Variants in NELL1 observed in about 807,000 individuals in gnomAD.
NELL1 encodes neural EGFL like 1, also known as protein kinase C-binding protein NELL1.
A neutral mutation model predicts 107.4 loss-of-function variants in NELL1; 76 were observed. That is an observed-to-expected ratio of 0.71 (90% CI 0.59 to 0.86). The LOEUF (loss-of-function observed/expected upper bound fraction) is 0.86, where lower values mean the gene tolerates loss of function less well. Among genes scored for constraint, NELL1 ranks in the 40% least tolerant of loss-of-function variants. NELL1 has a pLI of 0.00. For synonymous variants in NELL1, 353 were observed against 341.2 expected, an observed-to-expected ratio of 1.03 and a Z score of -0.38; for missense variants, 1,024 against 1,005.5, an observed-to-expected ratio of 1.02 and a Z score of -0.25.
intron 2 of NELL1, among the ~76,000 whole-genome samples, chr11:20,744,192 C>G (rs74687506): frequency 0.045 from 6,912 of 152,262 alleles, 518 homozygotes; most frequent in African/African-American, 0.16. Flanking sequence ...ACGCTCCACT[C>G]TAGTCCATCC....
intron 14 of NELL1, among the ~76,000 whole-genome samples, chr11:21,301,956 T>G (rs2133624958): frequency 6.6e-6 from 1 of 152,178 alleles, no homozygotes; most frequent in East Asian, 1.9e-4. Flanking sequence ...TACTAATATG[T>G]TCTGCAATAG....
At chr11:20,819,159 A>T (rs775104570) in intron 3 of NELL1, among the ~76,000 whole-genome samples, 1 of 152,146 alleles carries the variant, frequency 6.6e-6, no homozygotes, top group Non-Finnish European at 1.5e-5. Context: ...TGGTATTTTT[A>T]ATGCCATTTA....
chr11:21,523,733 C>T (rs1323760514), intron 15 of NELL1, among the ~76,000 whole-genome samples: 4 of 152,022 alleles, frequency 2.6e-5, no homozygotes, highest in Non-Finnish European at 5.9e-5. Context: ...TAACTAGGCT[C>T]CTCATGGGTT....
intron 2 of NELL1, among the ~76,000 whole-genome samples, chr11:20,678,506 A>ACTATAAG: frequency 6.6e-6 from 1 of 152,338 alleles, no homozygotes. Context: ...AGTTCTGCCC[A>ACTATAAG]CTATAAGCGG....
intron 16 of NELL1, among the ~76,000 whole-genome samples, chr11:21,547,277 T>C (rs895700516): frequency 9.2e-5 from 14 of 152,012 alleles, no homozygotes; most frequent in African/African-American, 3.4e-4. Context: ...TTCCAGGACG[T>C]GACAGCAGCC....
rs543952787 is a variant in NELL1 at position 21,078,652 on chromosome 11, A to C, written c.1301-34937A>C. On this transcript the variant is annotated intron_variant, in intron 12 of 19. Coordinates refer to ENST00000357134, the MANE Select transcript of NELL1 (RefSeq NM_006157.5). ...TTCTCACATACCAACATACACACAG[A>C]GATACACACATATATACATGCATAC... Among the ~76,000 whole-genome samples, 142 of 152,260 alleles carry C rather than the reference A, an allele frequency of 9.3e-4. 1 individual carries two copies. The highest frequency in any genetic ancestry group is 3.3e-3 in the African/African-American group (137 of 41,586).
At chr11:21,266,368 C>T (rs2133929089) in intron 14 of NELL1, among the ~76,000 whole-genome samples, 1 of 152,098 alleles carries the variant, frequency 6.6e-6, no homozygotes, top group Non-Finnish European at 1.5e-5. Flanking sequence ...TGAATATAAG[C>T]TCCAAAAGAT....
intron 3 of NELL1, 124 bp downstream of exon 3, chr11:20,783,954 A>G: frequency 1.2e-6 from 1 of 863,804 alleles, no homozygotes; most frequent in Non-Finnish European, 1.6e-6. Context: ...ATTTCTGTTG[A>G]ACACATTCAT....
At chr11:21,114,016 T>C (rs566261763) in intron 13 of NELL1, among the ~76,000 whole-genome samples, 2 of 152,122 alleles carry the variant, frequency 1.3e-5, no homozygotes, top group Admixed American at 6.6e-5. Flanking sequence ...GTTCTAAAAA[T>C]AGAAAGTATC....
At chr11:20,797,574 A>C (rs1857197623) in intron 3 of NELL1, among the ~76,000 whole-genome samples, 3 of 151,054 alleles carry the variant, frequency 2.0e-5, no homozygotes, top group Non-Finnish European at 4.4e-5. Flanking sequence ...TCAAAAAAAA[A>C]AAAAAAAAAA....
intron 13 of NELL1, among the ~76,000 whole-genome samples, chr11:21,132,444 G>A (rs1855642767): frequency 6.6e-6 from 1 of 152,160 alleles, no homozygotes; most frequent in African/African-American, 2.4e-5. Flanking sequence ...TCAAGGGTGA[G>A]CCAGGTACAG....
intron 15 of NELL1, among the ~76,000 whole-genome samples, chr11:21,494,025 A>G (rs1202082007): frequency 6.6e-6 from 1 of 151,950 alleles, no homozygotes; most frequent in Non-Finnish European, 1.5e-5. Flanking sequence ...ATTTTTCATA[A>G]CCAGTGTTTC....
intron 1 of NELL1, among the ~76,000 whole-genome samples, chr11:20,673,781 T>C (rs1222366759): frequency 6.6e-6 from 1 of 152,194 alleles, no homozygotes; most frequent in Non-Finnish European, 1.5e-5. Flanking sequence ...TAGAGAACTT[T>C]AATTGAGTTT....
At chr11:21,542,394 G>A (rs942752208) in intron 16 of NELL1, among the ~76,000 whole-genome samples, 2 of 151,980 alleles carry the variant, frequency 1.3e-5, no homozygotes, top group Non-Finnish European at 2.9e-5. Flanking sequence ...CAGAGCAGTT[G>A]GAGATTGAAA....
chr11:20,905,077 C>T (rs1050965604), intron 5 of NELL1, among the ~76,000 whole-genome samples: 1 of 151,484 alleles, frequency 6.6e-6, no homozygotes, highest in Non-Finnish European at 1.5e-5. Flanking sequence ...TGGCCTCCAG[C>T]AATCCTCTTT....
In NELL1 at chr11:20,947,391, A is replaced by G. The variant is rs752828947; in HGVS notation, c.1127A>G (p.Lys376Arg). ...TGTCCTCCTTTGAACTGCTCAGAAA[A>G]GGATCACATTCTTCCTGAGAATCAG... ...EMCPPLNCSE[K>R]DHILPENQCC... Residue 376 changes from lysine to arginine, a missense_variant, in exon 11 of 20, where the codon AAG (lysine) becomes AGG (arginine). By Grantham distance (26) the Lys-to-Arg change is conservative (BLOSUM62 2). Coordinates refer to ENST00000357134, the MANE Select transcript of NELL1 (RefSeq NM_006157.5). 2.5e-6 allele frequency: 4 copies of G among 1,614,048 alleles called. No individual in the cohort carries two copies. Among genetic ancestry groups the G allele is most frequent in the Non-Finnish European group, 3.4e-6 (4 of 1,179,962 alleles).
chr11:20,955,277 A>G (rs900754310), intron 11 of NELL1, among the ~76,000 whole-genome samples: 3 of 152,210 alleles, frequency 2.0e-5, no homozygotes, highest in Non-Finnish European at 2.9e-5. Context: ...GACTGAGGCA[A>G]TCACCAGTTA....
chr11:20,699,190 C>T (rs1854704535), intron 2 of NELL1, among the ~76,000 whole-genome samples: 1 of 151,816 alleles, frequency 6.6e-6, no homozygotes, highest in Admixed American at 6.6e-5. Context: ...GTACTCCAGC[C>T]TGGGCAACAG....
intron 4 of NELL1, among the ~76,000 whole-genome samples, chr11:20,884,607 C>A (rs1028024580): frequency 3.3e-5 from 5 of 152,096 alleles, no homozygotes; most frequent in Admixed American, 1.3e-4. Context: ...ACCAACTAAC[C>A]GGACCTTGGT....
Sources: allele counts gnomAD v4.1 joint callset (sites outside exome capture counted in the v4.1 genomes callset), GRCh38; gene constraint gnomAD v4.1.1; transcripts MANE v1.5; gene names NCBI Gene and HGNC (gene_info 2026-07-23, HGNC 2026-07-21).